The following ABCB11 variants were observed in gnomAD, a reference collection of about 807,000 sequenced individuals.
ABCB11 encodes the protein ATP binding cassette subfamily B member 11.
In ABCB11, 95 loss-of-function variants were observed where a neutral mutation model predicts 148.0. The observed-to-expected ratio is 0.64, with a 90% confidence interval of 0.54 to 0.76. The LOEUF is 0.76. Ranked by LOEUF, ABCB11 falls within the 30% of genes least tolerant of loss-of-function variation. ABCB11 has a pLI of 0.00. For missense variants in ABCB11, 1,523 were observed against 1,617.8 expected, an observed-to-expected ratio of 0.94 and a Z score of 1.01; for synonymous variants, 591 against 555.4, an observed-to-expected ratio of 1.06 and a Z score of -0.90.
downstream of ABCB11, among the ~76,000 whole-genome samples, chr2:168,918,610 G>A (rs1335878605): frequency 6.6e-6 from 1 of 152,134 alleles, no homozygotes; most frequent in African/African-American, 2.4e-5. Context: ...ATAAATGTAA[G>A]TCAACATCAT....
rs539928728 is a variant in ABCB11, at chr2:168,944,351, A to T, written c.2610+254T>A. 8.8e-4 allele frequency among the ~76,000 whole-genome samples: 134 copies of T among 152,124 alleles called. 1 individual carries two copies. The highest frequency in any genetic ancestry group is 2.9e-3 in the African/African-American group (120 of 41,534). Reference sequence around the variant, plus strand: ...GAAAACAGACTCAGAAATGTTCCTAAGTTAGACTCAGAGGAAATCCAAAAC... The same window carrying T: ...GAAAACAGACTCAGAAATGTTCCTATGTTAGACTCAGAGGAAATCCAAAAC... On this transcript the variant is annotated intron_variant, in intron 21 of 27. Transcript: ENST00000650372.
chr2:168,941,559 T>C (rs1218418097), intron 21 of ABCB11, among the ~76,000 whole-genome samples: 2 of 152,242 alleles, frequency 1.3e-5, no homozygotes, highest in Middle Eastern at 3.4e-3. Context: ...TTGCTTCTTA[T>C]GGATAAGCAA....
intron 2 of ABCB11, among the ~76,000 whole-genome samples, chr2:168,915,695 G>A (rs1690927748): frequency 6.6e-6 from 1 of 152,222 alleles, no homozygotes; most frequent in East Asian, 1.9e-4. Flanking sequence ...GTGCATTCAG[G>A]AAAGAAGAAA....
At position 168,975,640 on chromosome 2, in the gene ABCB11, T is replaced by G. The variant is rs12996841; in HGVS notation, c.1308+937A>C. Among the ~76,000 whole-genome samples the G allele has an allele frequency of 5.7e-5, 5 of 88,426 alleles. 2 individuals are homozygous for G. Among genetic ancestry groups the G allele is most frequent in the Non-Finnish European group, 1.2e-4 (5 of 41,804 alleles). 58.0% of individuals were successfully genotyped at this position (88,426 alleles called of 152,430 possible). ...TTATAGATAAATATATATTTACATA[T>G]ATATGTATTATATATTACAAATATT... On this transcript the variant is annotated intron_variant, in intron 12 of 27. Transcript: ENST00000650372.
chr2:168,956,878 C>A (rs539355830), intron 19 of ABCB11, among the ~76,000 whole-genome samples: 1 of 151,710 alleles, frequency 6.6e-6, no homozygotes, highest in South Asian at 2.1e-4. Context: ...CATTTTGGAG[C>A]CCTGGATGTT....
At chr2:168,992,780 A>C (rs1009941700) in intron 8 of ABCB11, among the ~76,000 whole-genome samples, 1 of 152,088 alleles carries the variant, frequency 6.6e-6, no homozygotes, top group African/African-American at 2.4e-5. Context: ...TTGTCACTTT[A>C]AACCATTTTC....
At chr2:168,916,471 C>T (rs1690943983), downstream of ABCB11, among the ~76,000 whole-genome samples, 1 of 152,198 alleles carries the variant, frequency 6.6e-6, no homozygotes, top group African/African-American at 2.4e-5. Context: ...CCTGATTACT[C>T]ATTATGAGCC....
intron 3 of ABCB11, 118 bp downstream of exon 3, chr2:169,016,660 T>C (rs550730918): frequency 1.3e-6 from 1 of 787,602 alleles, no homozygotes; most frequent in South Asian, 1.7e-5. Flanking sequence ...ATGGATTGTA[T>C]ATATTATTTT....
chr2:168,924,580 G>T, intron 27 of ABCB11, 77 bp downstream of exon 27: 2 of 1,432,270 alleles, frequency 1.4e-6, no homozygotes, highest in Non-Finnish European at 1.9e-6. Flanking sequence ...TGAAAATAGT[G>T]CCATTTTATT....
chr2:169,020,153 A>C (rs556752813), intron 1 of ABCB11, among the ~76,000 whole-genome samples: 27 of 152,332 alleles, frequency 1.8e-4, no homozygotes, highest in African/African-American at 6.5e-4. Flanking sequence ...GGTGTTCGAT[A>C]TGCAGATAAA....
At chr2:168,958,539 T>C (rs1164619107) in intron 18 of ABCB11, among the ~76,000 whole-genome samples, 1 of 151,866 alleles carries the variant, frequency 6.6e-6, no homozygotes, top group African/African-American at 2.4e-5. Flanking sequence ...TATAATATAG[T>C]AACTGGCTAA....
At chr2:169,013,985 T>C (rs1031128884) in intron 4 of ABCB11, among the ~76,000 whole-genome samples, 5 of 152,202 alleles carry the variant, frequency 3.3e-5, no homozygotes, top group African/African-American at 1.2e-4. Flanking sequence ...TACTTTAAAA[T>C]TTCTAAAGAT....
intron 19 of ABCB11, among the ~76,000 whole-genome samples, chr2:168,949,140 G>A (rs558996855): frequency 4.8e-4 from 73 of 151,582 alleles, no homozygotes; most frequent in Non-Finnish European, 9.4e-4. Context: ...GGATTTATGT[G>A]TATATATGTG....
At chr2:169,020,619 G>A (rs759801956) in intron 1 of ABCB11, among the ~76,000 whole-genome samples, 15 of 151,956 alleles carry the variant, frequency 9.9e-5, no homozygotes, top group South Asian at 2.1e-4. Context: ...GAAAGAAGAC[G>A]GTCTCAAAAG....
chr2:168,992,270 G>A (rs888990638), intron 8 of ABCB11, among the ~76,000 whole-genome samples: 1 of 152,058 alleles, frequency 6.6e-6, no homozygotes, highest in African/African-American at 2.4e-5. Context: ...GAGATGACTA[G>A]AGAAACTAAG....
Position 168,968,487 on chromosome 2 carries a change from G to A in ABCB11, c.2015C>T (p.Ala672Val). The A allele has an allele frequency of 6.2e-7, 1 of 1,610,504 alleles. No homozygotes were observed. The highest frequency in any genetic ancestry group is 8.5e-7 in the Non-Finnish European group (1 of 1,178,038). Residue 672 changes from alanine to valine, a missense_variant, in exon 17 of 28, where the codon GCA becomes GTA. Physicochemically the swap from Ala to Val is moderately conservative, Grantham distance 64. Coordinates refer to ENST00000650372, the MANE Select transcript of ABCB11 (RefSeq NM_003742.4). Reference sequence around the variant, plus strand: ...CCTCGCAAGCATGTCATCTTCAGTTGCATCTACTCAACACAGCATGAGCAA... The same window carrying A: ...CCTCGCAAGCATGTCATCTTCAGTTACATCTACTCAACACAGCATGAGCAA... ...QALNEEDIKD[A>V]TEDDMLARTF... is the part of the protein sequence containing the mutation.
chr2:168,975,596 T>TA lies in ABCB11; in HGVS notation c.1308+980dup, dbSNP rs1236666366. Among the ~76,000 whole-genome samples the TA allele has an allele frequency of 2.0e-5, 2 of 101,584 alleles. 1 individual carries two copies. Among genetic ancestry groups the TA allele is most frequent in the Non-Finnish European group, 3.9e-5 (2 of 51,270 alleles). 66.6% of individuals were successfully genotyped at this position (101,584 alleles called of 152,430 possible). ...ATAGATAAATATATAAATACATAAA[T>TA]ATTTTTATATTTAAATATTTATAGA... On this transcript the variant is annotated intron_variant, in intron 12 of 27. Coordinates refer to ENST00000650372, the MANE Select transcript of ABCB11 (RefSeq NM_003742.4).
intron 23 of ABCB11, among the ~76,000 whole-genome samples, chr2:168,934,758 C>T (rs1232015264): frequency 6.6e-6 from 1 of 152,162 alleles, no homozygotes; most frequent in African/African-American, 2.4e-5. Context: ...TTTTTTACTC[C>T]TCTCATCAAA....
At chr2:168,919,631 A>T (rs114764002), downstream of ABCB11, among the ~76,000 whole-genome samples, 4,129 of 150,688 alleles carry the variant, frequency 0.027, 75 homozygotes, top group Non-Finnish European at 0.038. Context: ...CTTATTTTTT[A>T]AAAAAAAAGC....
Sources: gnomAD v4.1 joint callset for allele counts (sites outside exome capture counted in the v4.1 genomes callset) on GRCh38, gnomAD v4.1.1 for gene constraint, MANE v1.5 for transcripts, NCBI Gene and HGNC (gene_info 2026-07-23, HGNC 2026-07-21) for gene names.